NKAIN2: variants seen among roughly 807,000 people sequenced by gnomAD.
NKAIN2 encodes the protein sodium/potassium transporting ATPase interacting 2.
A neutral mutation model predicts 32.6 loss-of-function variants in NKAIN2; 14 were observed. The ratio of observed to expected loss-of-function variants is 0.43; its 90% CI spans 0.28 to 0.67. The LOEUF is 0.67. Among genes scored for constraint, NKAIN2 ranks in the 30% least tolerant of loss-of-function variants. The pLI, the probability that NKAIN2 is intolerant of heterozygous loss-of-function variation, is 0.17. For synonymous variants in NKAIN2, 80 were observed against 87.2 expected (o/e 0.92, Z 0.46); for missense variants, 198 against 258.3 (o/e 0.77, Z 1.60).
intron 3 of NKAIN2, among the ~76,000 whole-genome samples, chr6:124,541,945 A>C (rs941110590): frequency 6.6e-6 from 1 of 152,142 alleles, no homozygotes; most frequent in African/African-American, 2.4e-5. Flanking sequence ...ATATATGCCT[A>C]TTTTTATTGG....
At chr6:124,379,682 T>C (rs17640547) in intron 3 of NKAIN2, among the ~76,000 whole-genome samples, 23,646 of 152,054 alleles carry the variant, frequency 0.16, 2,013 homozygotes, top group Non-Finnish European at 0.18. Context: ...TTACAAAACA[T>C]CTCTACAGAA....
intron 1 of NKAIN2, among the ~76,000 whole-genome samples, chr6:123,850,940 G>A (rs1249990104): frequency 6.6e-6 from 1 of 152,096 alleles, no homozygotes; most frequent in Non-Finnish European, 1.5e-5. Flanking sequence ...GTGAGATCAT[G>A]TGGTATTTGT....
intron 3 of NKAIN2, among the ~76,000 whole-genome samples, chr6:124,440,539 G>T (rs574191324): frequency 7.9e-5 from 12 of 152,108 alleles, no homozygotes; most frequent in Non-Finnish European, 1.8e-4. Context: ...CATGCCTGCT[G>T]CACTTTTCTA....
chr6:124,800,773 A>G (rs1367351817), intron 5 of NKAIN2, among the ~76,000 whole-genome samples: 1 of 152,214 alleles, frequency 6.6e-6, no homozygotes, highest in Non-Finnish European at 1.5e-5. Context: ...TGAGTATAAT[A>G]AATGGTGACC....
intron 3 of NKAIN2, among the ~76,000 whole-genome samples, chr6:124,511,983 A>G (rs1778732466): frequency 6.6e-6 from 1 of 152,210 alleles, no homozygotes; most frequent in African/African-American, 2.4e-5. Flanking sequence ...AATATGAGAA[A>G]AAAGCTATAG....
intron 4 of NKAIN2, among the ~76,000 whole-genome samples, chr6:124,743,657 T>G (rs1298461014): frequency 6.6e-6 from 1 of 151,934 alleles, no homozygotes; most frequent in Non-Finnish European, 1.5e-5. Flanking sequence ...TTTCTGTGTC[T>G]TTCCTGTTTC....
At chr6:124,151,037 C>T (rs1787689413) in intron 1 of NKAIN2, among the ~76,000 whole-genome samples, 1 of 151,914 alleles carries the variant, frequency 6.6e-6, no homozygotes, top group African/African-American at 2.4e-5. Context: ...ACTATTTGTT[C>T]ATATTGAAAT....
In NKAIN2 at chr6:123,894,095, A is replaced by T. The variant is rs571853106; in HGVS notation, c.54+89841A>T. Reference sequence around the variant, plus strand: ...TGTTAATGTGTTTAAATGTAGACATATAACATTTATTTACATTTTTAAACC... The same window carrying T: ...TGTTAATGTGTTTAAATGTAGACATTTAACATTTATTTACATTTTTAAACC... On this transcript the variant is annotated intron_variant, in intron 1 of 6. Transcript: ENST00000368417. Among the ~76,000 whole-genome samples the T allele has an allele frequency of 4.9e-3, 742 of 152,140 alleles. 3 individuals carry two copies. In the Middle Eastern group the frequency reaches 0.058, roughly 12 times the overall value.
At chr6:124,261,599 G>A (rs746224865) in intron 1 of NKAIN2, among the ~76,000 whole-genome samples, 6 of 152,072 alleles carry the variant, frequency 3.9e-5, no homozygotes, top group Non-Finnish European at 8.8e-5. Flanking sequence ...GGTACATGAC[G>A]CCCGTAATCC....
intron 1 of NKAIN2, among the ~76,000 whole-genome samples, chr6:124,005,589 T>G (rs1264330190): frequency 2.6e-5 from 4 of 152,184 alleles, no homozygotes; most frequent in African/African-American, 9.6e-5. Flanking sequence ...TTATACTAAT[T>G]CATGCAAAGT....
At chr6:123,937,155 A>G (rs1436805155) in intron 1 of NKAIN2, among the ~76,000 whole-genome samples, 2 of 152,104 alleles carry the variant, frequency 1.3e-5, no homozygotes, top group African/African-American at 4.8e-5. Flanking sequence ...ATATTTTAAC[A>G]TAATAGGTAT....
chr6:124,169,065 T>C (rs116227813), intron 1 of NKAIN2, among the ~76,000 whole-genome samples: 262 of 152,262 alleles, frequency 1.7e-3, no homozygotes, highest in African/African-American at 5.9e-3. Context: ...TGCTTTAATA[T>C]TGAATGTTCA....
chr6:124,743,862 A>AAATTTATTG (rs1455471448), intron 4 of NKAIN2, among the ~76,000 whole-genome samples: 1 of 151,854 alleles, frequency 6.6e-6, no homozygotes, highest in Non-Finnish European at 1.5e-5. Flanking sequence ...GAGATTCACT[A>AAATTTATTG]AATTTATTGA....
intron 4 of NKAIN2, among the ~76,000 whole-genome samples, chr6:124,692,362 A>G (rs1337860): frequency 0.39 from 58,556 of 151,978 alleles, 11,382 homozygotes; most frequent in African/African-American, 0.4. Flanking sequence ...TAAAAACACT[A>G]TTTCTCACCC....
At chr6:124,407,005 GC>G (rs1247133413) in intron 3 of NKAIN2, among the ~76,000 whole-genome samples, 1 of 151,690 alleles carries the variant, frequency 6.6e-6, no homozygotes, top group Non-Finnish European at 1.5e-5. Flanking sequence ...TACAAATTTT[GC>G]CCCCATTGGT....
rs547307662 is a variant in NKAIN2 at position 124,180,933 on chromosome 6, T to C, written c.55-102072T>C. Among the ~76,000 whole-genome samples the C allele has an allele frequency of 1.8e-3, 275 of 152,268 alleles. 2 individuals are homozygous for C. The highest frequency in any genetic ancestry group is 3.4e-3 in the Non-Finnish European group (233 of 68,014). On this transcript the variant is annotated intron_variant, in intron 1 of 6. Transcript: ENST00000368417. ...CTTTTCACAGCTCCACTAGGCAGTG[T>C]CTCAGTGGGGACTCTGTGAGGGGGC...
intron 2 of NKAIN2, among the ~76,000 whole-genome samples, chr6:124,347,807 G>A (rs1210155754): frequency 6.6e-6 from 1 of 152,202 alleles, no homozygotes; most frequent in East Asian, 1.9e-4. Context: ...GGAGCAGTTT[G>A]ATCATCTGAA....
intron 1 of NKAIN2, among the ~76,000 whole-genome samples, chr6:123,912,120 C>T (rs991453620): frequency 2.6e-5 from 4 of 151,606 alleles, no homozygotes; most frequent in Non-Finnish European, 5.9e-5. Flanking sequence ...CCATGTTTTA[C>T]CTTCAATTAT....
chr6:124,584,880 A>G (rs557104072), intron 3 of NKAIN2, among the ~76,000 whole-genome samples: 36 of 152,270 alleles, frequency 2.4e-4, no homozygotes, highest in Admixed American at 3.9e-4. Flanking sequence ...TACCATCACT[A>G]TGGAGAACAG....
Sources: gnomAD v4.1 joint callset for allele counts (sites outside exome capture counted in the v4.1 genomes callset) on GRCh38, gnomAD v4.1.1 for gene constraint, MANE v1.5 for transcripts, NCBI Gene and HGNC (gene_info 2026-07-23, HGNC 2026-07-21) for gene names.